UVRAG: variants seen among roughly 807,000 people sequenced by gnomAD.
UVRAG encodes UV radiation resistance associated.
In UVRAG, 19 loss-of-function variants were observed where a neutral mutation model predicts 78.0. That is an observed-to-expected ratio of 0.24 (90% CI 0.17 to 0.36). UVRAG has a LOEUF of 0.36. UVRAG is among the 10% of genes least tolerant of loss of function. UVRAG has a pLI of 1.00. For missense variants in UVRAG, 740 were observed against 853.8 expected, an observed-to-expected ratio of 0.87 and a Z score of 1.66; for synonymous variants, 323 against 324.6, an observed-to-expected ratio of 1.00 and a Z score of 0.05.
In UVRAG at chr11:75,961,435, T is replaced by C. The variant is rs747925334; in HGVS notation, c.594-9T>C. On this transcript the variant is annotated splice_polypyrimidine_tract_variant and intron_variant, in intron 6 of 14. Transcript: ENST00000356136. ...CTCATTTACATTTTTCTATAACTTA[T>C]ATTTCTAGGCTTCATAGAGCCCAGT... 6.6e-5 allele frequency: 104 copies of C among 1,580,580 alleles called. No individual in the cohort carries two copies. Among genetic ancestry groups the C allele is most frequent in the Non-Finnish European group, 8.7e-5 (102 of 1,171,100 alleles).
chr11:75,983,072 G>C (rs1052258844), intron 7 of UVRAG, among the ~76,000 whole-genome samples: 21 of 152,188 alleles, frequency 1.4e-4, no homozygotes, highest in African/African-American at 4.8e-4. Flanking sequence ...AACTTTTTGA[G>C]AACTTACTTA....
rs1273994497 is a variant in UVRAG at position 75,871,686 on chromosome 11, T to A, written c.271-8193T>A. On this transcript the variant is annotated intron_variant, in intron 3 of 14. Coordinates refer to ENST00000356136, the MANE Select transcript of UVRAG (RefSeq NM_003369.4). ...ACATATCCTTTGCTGAACATATGTGTGCCTTTCTCTGAGGTAGGTACTTAG... is the reference window on the plus strand; with the variant it reads ...ACATATCCTTTGCTGAACATATGTGAGCCTTTCTCTGAGGTAGGTACTTAG... Among the ~76,000 whole-genome samples, 6 of 152,360 alleles carry A rather than the reference T, an allele frequency of 3.9e-5. No individual in the cohort carries two copies. In the East Asian group the frequency reaches 9.6e-4, roughly 24 times the overall value.
At chr11:75,898,465 T>G (rs528282663) in intron 5 of UVRAG, among the ~76,000 whole-genome samples, 1 of 152,314 alleles carries the variant, frequency 6.6e-6, no homozygotes. Flanking sequence ...GTATTTTAAC[T>G]TTGTAATACC....
intron 12 of UVRAG, among the ~76,000 whole-genome samples, chr11:76,019,818 G>A (rs1361065096): frequency 6.6e-6 from 1 of 152,186 alleles, no homozygotes; most frequent in Non-Finnish European, 1.5e-5. Context: ...TAGGCCCTGT[G>A]TAACCTCTAC....
At chr11:75,912,766 C>T (rs1947766856) in intron 6 of UVRAG, among the ~76,000 whole-genome samples, 1 of 152,144 alleles carries the variant, frequency 6.6e-6, no homozygotes, top group Non-Finnish European at 1.5e-5. Flanking sequence ...ATTAGACATC[C>T]TTTATATATG....
intron 13 of UVRAG, among the ~76,000 whole-genome samples, chr11:76,101,593 A>C (rs1565161537): frequency 2.0e-5 from 3 of 151,996 alleles, no homozygotes; most frequent in Non-Finnish European, 2.9e-5. Flanking sequence ...ATTTGATCTC[A>C]TTTGTTAATT....
At position 75,815,458 on chromosome 11, in the gene UVRAG, C is replaced by T. The variant is rs912473508; in HGVS notation, c.51C>T (p.Gly17=). 2.8e-5 allele frequency: 35 copies of T among 1,248,932 alleles called. No individual in the cohort carries two copies. In the African/African-American group the frequency reaches 3.4e-4, roughly 12 times the overall value. 77.4% of individuals were successfully genotyped at this position (1,248,932 alleles called of 1,614,324 possible). ...GCCCCGTCCCCCAGCCACCCCCGGG[C>T]CCGGCCGCTGCTCTGCCTCCCGGTT... ...VGGPVPQPPP[G]PAAALPPGSA... is the part of the protein sequence containing the mutation. The change falls in exon 1 of 15, where the codon GGC becomes GGT. Residue 17 remains glycine, a synonymous_variant. Coordinates refer to ENST00000356136, the MANE Select transcript of UVRAG (RefSeq NM_003369.4).
chr11:75,831,872 A>G (rs1424837655), intron 1 of UVRAG, among the ~76,000 whole-genome samples: 3 of 152,324 alleles, frequency 2.0e-5, no homozygotes, highest in African/African-American at 7.2e-5. Flanking sequence ...GTTCTCAGAC[A>G]CTTTCCATTA....
At position 76,081,296 on chromosome 11, in the gene UVRAG, C is replaced by T. The variant is rs112517654; in HGVS notation, c.1305+15508C>T. Among the ~76,000 whole-genome samples the T allele has an allele frequency of 3.9e-5, 6 of 152,212 alleles. No homozygotes were observed. In the South Asian group the frequency reaches 1.2e-3, roughly 32 times the overall value. On this transcript the variant is annotated intron_variant, in intron 13 of 14. Coordinates refer to ENST00000356136, the MANE Select transcript of UVRAG (RefSeq NM_003369.4). Reference sequence around the variant, plus strand: ...TCTTGACTCACTGCAACCTCCACCTCCTGGGTTCAGGCCATTCTCCTACCT... The same window carrying T: ...TCTTGACTCACTGCAACCTCCACCTTCTGGGTTCAGGCCATTCTCCTACCT...
intron 1 of UVRAG, among the ~76,000 whole-genome samples, chr11:75,818,009 G>A (rs1051140859): frequency 6.6e-6 from 1 of 151,912 alleles, no homozygotes; most frequent in African/African-American, 2.4e-5. Context: ...GCAGTAAGCC[G>A]AGATTGCGCC....
chr11:75,873,341 T>G (rs928379631), intron 3 of UVRAG, among the ~76,000 whole-genome samples: 1 of 152,152 alleles, frequency 6.6e-6, no homozygotes, highest in Non-Finnish European at 1.5e-5. Flanking sequence ...GGAATAGTTT[T>G]TTTTTTTTAA....
chr11:76,106,233 G>C (rs1951966344), intron 13 of UVRAG, among the ~76,000 whole-genome samples: 1 of 152,086 alleles, frequency 6.6e-6, no homozygotes, highest in Admixed American at 6.5e-5. Flanking sequence ...AGACACAACA[G>C]GCTAAATACT....
intron 5 of UVRAG, among the ~76,000 whole-genome samples, chr11:75,902,140 T>G (rs992252352): frequency 6.6e-6 from 1 of 152,244 alleles, no homozygotes; most frequent in African/African-American, 2.4e-5. Context: ...GAATGAAGCT[T>G]CTGTAGCAGC....
At chr11:76,066,666 G>A (rs1028821561) in intron 13 of UVRAG, among the ~76,000 whole-genome samples, 1 of 152,070 alleles carries the variant, frequency 6.6e-6, no homozygotes, top group Admixed American at 6.5e-5. Context: ...TAGAGACGGG[G>A]TTTCACCGTG....
chr11:75,987,990 G>A (rs1421000971), intron 8 of UVRAG, among the ~76,000 whole-genome samples: 1 of 152,088 alleles, frequency 6.6e-6, no homozygotes, highest in Non-Finnish European at 1.5e-5. Flanking sequence ...TGCCCGCCTT[G>A]GCCTCCCAAA....
chr11:75,829,917 G>A (rs976560639), intron 1 of UVRAG, among the ~76,000 whole-genome samples: 4 of 152,214 alleles, frequency 2.6e-5, no homozygotes, highest in South Asian at 4.1e-4. Flanking sequence ...TCGGCTCACT[G>A]CAGCCTCCAC....
At chr11:75,851,292 G>A (rs892750732) in intron 1 of UVRAG, among the ~76,000 whole-genome samples, 4 of 152,202 alleles carry the variant, frequency 2.6e-5, no homozygotes, top group South Asian at 2.1e-4. Flanking sequence ...TTAGGAAGGA[G>A]GCCTGATTAT....
At chr11:75,886,916 G>T (rs1947090387) in intron 4 of UVRAG, among the ~76,000 whole-genome samples, 1 of 149,866 alleles carries the variant, frequency 6.7e-6, no homozygotes, top group Non-Finnish European at 1.5e-5. Context: ...ATATTTCATA[G>T]TTGGACACTT....
intron 6 of UVRAG, among the ~76,000 whole-genome samples, chr11:75,938,892 C>T (rs1948430576): frequency 6.6e-6 from 1 of 152,104 alleles, no homozygotes; most frequent in African/African-American, 2.4e-5. Flanking sequence ...TCCCTGGACT[C>T]CTAAATCTTT....
Sources: gnomAD v4.1 joint callset for allele counts (sites outside exome capture counted in the v4.1 genomes callset) on GRCh38, gnomAD v4.1.1 for gene constraint, MANE v1.5 for transcripts, NCBI Gene and HGNC (gene_info 2026-07-23, HGNC 2026-07-21) for gene names.